The following HAPLN1 variants were observed in gnomAD, a reference collection of about 807,000 sequenced individuals.
HAPLN1 encodes Cartilage link protein.
Under a neutral mutation model 36.5 loss-of-function variants are expected in HAPLN1, and 13 were observed. The ratio of observed to expected loss-of-function variants is 0.36; its 90% CI spans 0.23 to 0.57. The LOEUF (loss-of-function observed/expected upper bound fraction) is 0.57. HAPLN1 is among the 20% of genes least tolerant of loss of function. The pLI, the probability that HAPLN1 is intolerant of heterozygous loss-of-function variation, is 0.83. For missense variants in HAPLN1, 407 were observed against 439.7 expected (o/e 0.93, Z 0.66); for synonymous variants, 202 against 169.8 (o/e 1.19, Z -1.48).
chr5:83,658,709 C>A (rs1220079651), intron 2 of HAPLN1, among the ~76,000 whole-genome samples: 1 of 152,134 alleles, frequency 6.6e-6, no homozygotes, highest in Non-Finnish European at 1.5e-5. Flanking sequence ...AAGAACCTAT[C>A]TTTTGGTCAT....
At chr5:83,700,989 T>C (rs979391637) in intron 1 of HAPLN1, among the ~76,000 whole-genome samples, 1 of 152,222 alleles carries the variant, frequency 6.6e-6, no homozygotes, top group African/African-American at 2.4e-5. Flanking sequence ...CATTATCTTA[T>C]TAATTTCTGT....
chr5:83,710,560 G>T (rs1751757343), intron 1 of HAPLN1, among the ~76,000 whole-genome samples: 1 of 152,068 alleles, frequency 6.6e-6, no homozygotes, highest in African/African-American at 2.4e-5. Context: ...AAAAAAAGTG[G>T]CTCTCATGAA....
chr5:83,678,071 C>A (rs2112605340), intron 1 of HAPLN1, among the ~76,000 whole-genome samples: 1 of 152,204 alleles, frequency 6.6e-6, no homozygotes, highest in East Asian at 1.9e-4. Context: ...ATTTGAGACC[C>A]ACTGGGCTAA....
intron 1 of HAPLN1, among the ~76,000 whole-genome samples, chr5:83,690,702 C>G (rs1318355730): frequency 1.3e-5 from 2 of 151,974 alleles, no homozygotes; most frequent in African/African-American, 4.8e-5. Flanking sequence ...CTGATTTTCT[C>G]TTCCTTAGGG....
At chr5:83,645,055 A>G (rs1749815533) in intron 3 of HAPLN1, among the ~76,000 whole-genome samples, 1 of 152,194 alleles carries the variant, frequency 6.6e-6, no homozygotes, top group African/African-American at 2.4e-5. Context: ...GAAAAAGTCA[A>G]TATTGAATAC....
At chr5:83,681,724 A>T (rs1154889) in intron 1 of HAPLN1, among the ~76,000 whole-genome samples, 1 of 151,922 alleles carries the variant, frequency 6.6e-6, no homozygotes, top group Non-Finnish European at 1.5e-5. Context: ...TGCCCACGCT[A>T]TACATCATTT....
chr5:83,665,311 A>G (rs1353042263), intron 2 of HAPLN1, among the ~76,000 whole-genome samples: 2 of 152,216 alleles, frequency 1.3e-5, no homozygotes, highest in Non-Finnish European at 2.9e-5. Flanking sequence ...TATTCGTGTC[A>G]TATATCTTGT....
chr5:83,677,343 G>A (rs543900077), intron 1 of HAPLN1, among the ~76,000 whole-genome samples: 80 of 152,266 alleles, frequency 5.3e-4, no homozygotes, highest in African/African-American at 1.9e-3. Context: ...TACCATTGTC[G>A]TGGGTCCCCT....
intron 3 of HAPLN1, among the ~76,000 whole-genome samples, chr5:83,649,959 A>G (rs1750006615): frequency 6.6e-6 from 1 of 152,266 alleles, no homozygotes; most frequent in South Asian, 2.1e-4. Context: ...AAATGTGATC[A>G]GAGCTATAAT....
At chr5:83,716,431 A>C (rs1751913319) in intron 1 of HAPLN1, among the ~76,000 whole-genome samples, 1 of 152,220 alleles carries the variant, frequency 6.6e-6, no homozygotes. Context: ...TCTTGTAGCA[A>C]TACCCTGATC....
chr5:83,697,109 A>G (rs1751405377), intron 1 of HAPLN1, among the ~76,000 whole-genome samples: 1 of 152,104 alleles, frequency 6.6e-6, no homozygotes, highest in Non-Finnish European at 1.5e-5. Context: ...TATGGATGCC[A>G]TTCTAAATGA....
chr5:83,665,249 T>C (rs757092562), intron 2 of HAPLN1, among the ~76,000 whole-genome samples: 6 of 152,194 alleles, frequency 3.9e-5, no homozygotes, highest in Non-Finnish European at 7.4e-5. Flanking sequence ...TTATTAGTCA[T>C]AGATAATCGT....
intron 2 of HAPLN1, among the ~76,000 whole-genome samples, chr5:83,671,563 T>C (rs556040512): frequency 6.6e-4 from 101 of 152,310 alleles, no homozygotes; most frequent in African/African-American, 2.4e-3. Flanking sequence ...TTTTGCATTA[T>C]AAAAAACAGC....
At chr5:83,662,643 C>G (rs1750437694) in intron 2 of HAPLN1, among the ~76,000 whole-genome samples, 1 of 152,112 alleles carries the variant, frequency 6.6e-6, no homozygotes. Flanking sequence ...AGGTTTGTTT[C>G]AAAGGATATG....
intron 2 of HAPLN1, among the ~76,000 whole-genome samples, chr5:83,667,788 A>T (rs1242665435): frequency 6.6e-6 from 1 of 152,238 alleles, no homozygotes; most frequent in East Asian, 1.9e-4. Context: ...CAGTTATTAC[A>T]TAAGGAACAG....
intron 1 of HAPLN1, among the ~76,000 whole-genome samples, chr5:83,693,590 CTAAA>C (rs1751327180): frequency 1.3e-5 from 2 of 151,470 alleles, no homozygotes; most frequent in South Asian, 4.2e-4. Flanking sequence ...TTAAGATAAT[CTAAA>C]TAAGAAAGAC....
intron 2 of HAPLN1, among the ~76,000 whole-genome samples, chr5:83,664,096 A>G (rs761531882): frequency 5.9e-5 from 9 of 151,864 alleles, no homozygotes; most frequent in Non-Finnish European, 1.0e-4. Context: ...CCTCCTGCCT[A>G]CTCTCTGAAA....
At chr5:83,705,911 G>T (rs1462357402) in intron 1 of HAPLN1, among the ~76,000 whole-genome samples, 2 of 151,812 alleles carry the variant, frequency 1.3e-5, no homozygotes, top group Non-Finnish European at 2.9e-5. Context: ...TGACCCCACA[G>T]AAATATTAAT....
At chr5:83,642,068 C>A (rs1749718936) in intron 4 of HAPLN1, among the ~76,000 whole-genome samples, 2 of 152,116 alleles carry the variant, frequency 1.3e-5, no homozygotes, top group African/African-American at 4.8e-5. Flanking sequence ...TAATTAGTGA[C>A]TAAAAGAGCC....
Sources: allele counts gnomAD v4.1 joint callset (sites outside exome capture counted in the v4.1 genomes callset), GRCh38; gene constraint gnomAD v4.1.1; transcripts MANE v1.5; gene names NCBI Gene and HGNC (gene_info 2026-07-23, HGNC 2026-07-21).